PGAP4: variants seen among roughly 807,000 people sequenced by gnomAD.
The protein encoded by PGAP4 is GPI-N-acetylgalactosamine transferase PGAP4.
PGAP4 carries 12 observed loss-of-function variants against 28.2 expected under a neutral mutation model. That is an observed-to-expected ratio of 0.42 (90% confidence interval 0.27 to 0.69). The LOEUF is 0.69. PGAP4 is among the 30% of genes least tolerant of loss of function. The probability of loss-of-function intolerance (pLI) is 0.22; values close to 1 mark genes in which losing one functional copy is unlikely to be tolerated. For synonymous variants in PGAP4, 205 were observed against 211.8 expected, an observed-to-expected ratio of 0.97 and a Z score of 0.28; for missense variants, 425 against 513.5, an observed-to-expected ratio of 0.83 and a Z score of 1.67.
chr9:101,531,992 A>G (rs955818390), intron 1 of PGAP4, among the ~76,000 whole-genome samples: 2 of 152,272 alleles, frequency 1.3e-5, no homozygotes, highest in Non-Finnish European at 2.9e-5. Flanking sequence ...GCTCATTGCC[A>G]GTAGCTGTGG....
At chr9:101,518,423 C>T (rs975151530) in intron 2 of PGAP4, among the ~76,000 whole-genome samples, 4 of 152,098 alleles carry the variant, frequency 2.6e-5, no homozygotes, top group East Asian at 1.9e-4. Flanking sequence ...TTTTATCCCT[C>T]GCCCTCCTTC....
chr9:101,525,172 C>A (rs1345419145), intron 2 of PGAP4, among the ~76,000 whole-genome samples: 16 of 152,172 alleles, frequency 1.1e-4, no homozygotes, highest in Admixed American at 1.0e-3. Context: ...TTTTTAAGTT[C>A]TTTGAGAAAT....
Position 101,516,991 on chromosome 9 carries a change from T to C in PGAP4, c.-165+14357A>G, listed in dbSNP as rs534954956. On this transcript the variant is annotated intron_variant, in intron 2 of 3. Coordinates refer to the PGAP4 transcript ENST00000374851. ...GATCTATCTCTTATTTACATGCTGA[T>C]TGAAGACTGAAGGGCAAAATTTTTA... Among the ~76,000 whole-genome samples, 16 of 152,308 alleles carry C rather than the reference T, an allele frequency of 1.1e-4. No individual in the cohort carries two copies. The East Asian group carries it at 3.1e-3, about 29-fold the overall frequency.
At chr9:101,491,821 A>ATAT (rs1344920264), upstream of PGAP4, among the ~76,000 whole-genome samples, 4 of 84,746 alleles carry the variant, frequency 4.7e-5, no homozygotes, top group Non-Finnish European at 5.5e-5. Flanking sequence ...GGATATATAT[A>ATAT]TATATATATA....
intron 2 of PGAP4, among the ~76,000 whole-genome samples, chr9:101,505,062 T>A (rs1826838413): frequency 6.6e-6 from 1 of 152,108 alleles, no homozygotes. Context: ...ATTTCCTCCT[T>A]AAGCTTTTAT....
In PGAP4 at chr9:101,486,862, C is replaced by G. The variant is rs1166179456; in HGVS notation, c.-78+87G>C. On this transcript the variant is annotated intron_variant, in intron 1 of 1. Transcript: ENST00000374848. The surrounding 1 kb of genome is among the most constrained non-coding windows in gnomAD (Gnocchi z 4.7). Reference sequence around the variant, plus strand: ...CCTGCTTGTGCCAGCTGTGGCCACCCCTAATCCTTGTCCCCTCGCTCTAGT... The same window carrying G: ...CCTGCTTGTGCCAGCTGTGGCCACCGCTAATCCTTGTCCCCTCGCTCTAGT... The G allele has an allele frequency of 1.3e-5, 2 of 152,926 alleles. No individual in the cohort carries two copies. The highest frequency in any genetic ancestry group is 2.4e-5 in the African/African-American group (1 of 41,482). The allele number at this position is 152,926 out of a possible 1,614,324, so 9.5% of individuals were successfully genotyped here. A position where few individuals can be genotyped will look rare whatever the true frequency, so the allele number is the denominator to read the frequency against.
rs1826609536 is a variant in PGAP4 at position 101,486,159 on chromosome 9, G to C, written c.-78+790C>G. Among the ~76,000 whole-genome samples, 1 of 152,180 alleles carries C rather than the reference G, an allele frequency of 6.6e-6. No individual in the cohort carries two copies. Among genetic ancestry groups the C allele is most frequent in the Non-Finnish European group, 1.5e-5 (1 of 68,034 alleles). Reference sequence around the variant, plus strand: ...ACGCCGGAGCCAAGGGCCAGAAAGAGGGCGAGACACACCCAGGTGGATCTA... The same window carrying C: ...ACGCCGGAGCCAAGGGCCAGAAAGACGGCGAGACACACCCAGGTGGATCTA... On this transcript the variant is annotated intron_variant, in intron 1 of 1. Coordinates refer to ENST00000374848, the MANE Select transcript of PGAP4 (RefSeq NM_032342.3). This position sits in a 1 kb window ranked among gnomAD's most constrained non-coding sequence, Gnocchi z 4.7.
chr9:101,479,168 T>C (rs1451664000), intron 1 of PGAP4, among the ~76,000 whole-genome samples: 1 of 152,232 alleles, frequency 6.6e-6, no homozygotes, highest in African/African-American at 2.4e-5. Context: ...TGCTTCTTCC[T>C]CTGCTCTGCT....
rs374101500 is a variant in PGAP4, at chr9:101,506,206, C to T, written c.-164-17006G>A. On this transcript the variant is annotated intron_variant, in intron 2 of 3. Transcript: ENST00000374851. ...GCCCCTGTGGAAAACTATAGTAAGCCGCTACCAGTTATGCATTTAAATAGT... is the reference window on the plus strand; with the variant it reads ...GCCCCTGTGGAAAACTATAGTAAGCTGCTACCAGTTATGCATTTAAATAGT... 1.0e-3 allele frequency among the ~76,000 whole-genome samples: 158 copies of T among 152,086 alleles called. 1 individual carries two copies. In the Middle Eastern group the frequency reaches 0.031, roughly 29 times the overall value.
At chr9:101,531,175 C>A (rs546043586) in intron 2 of PGAP4, 1 of 150,494 alleles carries the variant, frequency 6.6e-6, no homozygotes, top group South Asian at 2.1e-4. Flanking sequence ...GTCCCTCTCT[C>A]TCTTTCTCAA....
intron 2 of PGAP4, among the ~76,000 whole-genome samples, chr9:101,514,988 G>A (rs1216395715): frequency 1.3e-5 from 2 of 152,136 alleles, no homozygotes; most frequent in Non-Finnish European, 2.9e-5. Context: ...ACATATATGT[G>A]ATGCTATTTT....
chr9:101,511,802 A>G (rs537636936), intron 2 of PGAP4, among the ~76,000 whole-genome samples: 1 of 152,268 alleles, frequency 6.6e-6, no homozygotes, highest in African/African-American at 2.4e-5. Flanking sequence ...TTAGATTTCA[A>G]TTAACTCCTA....
Position 101,477,085 on chromosome 9 carries a change from G to T in PGAP4, c.8C>A (p.Thr3Asn). The T allele has an allele frequency of 2.5e-6, 4 of 1,577,630 alleles. No individual in the cohort carries two copies. Among genetic ancestry groups the T allele is most frequent in the African/African-American group, 1.4e-5 (1 of 73,826 alleles). ...GAGCATGGCAGCTGGAGAGGTTGAA[G>T]TGCTCATGAGGTCAACTTTTGTTCA... is the stretch of plus-strand genomic sequence containing the variant. MS[T>N]STSPAAMLLR... Residue 3 changes from threonine to asparagine, a missense_variant, in exon 2 of 2, where the codon ACT (threonine) becomes AAT (asparagine). Transcript: ENST00000374848.
chr9:101,493,147 G>A (rs533866504), intron 2 of PGAP4, among the ~76,000 whole-genome samples: 18 of 151,860 alleles, frequency 1.2e-4, no homozygotes, highest in African/African-American at 2.2e-4. Context: ...CCAGCTACTC[G>A]GGAGGCTGAG....
At chr9:101,491,290 G>A (rs553312191), upstream of PGAP4, among the ~76,000 whole-genome samples, 33 of 152,162 alleles carry the variant, frequency 2.2e-4, 1 homozygote, top group South Asian at 3.1e-3. Flanking sequence ...ATTCCCCCCC[G>A]ATAATAGATG....
rs1382929703 is a variant in PGAP4 at position 101,486,628 on chromosome 9, G to A, written c.-78+321C>T. Among the ~76,000 whole-genome samples, 1 of 149,672 alleles carries A rather than the reference G, an allele frequency of 6.7e-6. No individual in the cohort carries two copies. Among genetic ancestry groups the A allele is most frequent in the Non-Finnish European group, 1.5e-5 (1 of 67,172 alleles). ...TGACCTGTCAGCGCAGCTGGCGCAGGCAAGGGCCAGGGAGGCGCCCCCGAG... is the reference window on the plus strand; with the variant it reads ...TGACCTGTCAGCGCAGCTGGCGCAGACAAGGGCCAGGGAGGCGCCCCCGAG... On this transcript the variant is annotated intron_variant, in intron 1 of 1. Transcript: ENST00000374848. This position sits in a 1 kb window ranked among gnomAD's most constrained non-coding sequence, Gnocchi z 4.7.
rs1210224324 is a variant in PGAP4, at chr9:101,474,059, T to C, written c.*1822A>G. The C allele has an allele frequency of 6.6e-6, 1 of 152,230 alleles. No individual in the cohort carries two copies. The highest frequency in any genetic ancestry group is 1.5e-5 in the Non-Finnish European group (1 of 68,044). 9.4% of individuals were successfully genotyped at this position (152,230 alleles called of 1,614,324 possible). On this transcript the variant is annotated 3_prime_UTR_variant, in exon 2 of 2. Transcript: ENST00000374848. The stretch of plus-strand genomic sequence containing the variant: ...TACAGAGACATGATCTAGTTCAGCT[T>C]ATACTCAGATTTTACAAAAGAGACT...
chr9:101,507,268 A>G (rs1826855732), intron 2 of PGAP4, among the ~76,000 whole-genome samples: 1 of 152,006 alleles, frequency 6.6e-6, no homozygotes, highest in Non-Finnish European at 1.5e-5. Context: ...GACTCTATCT[A>G]TCTGTTACAA....
At chr9:101,481,168 A>C (rs1164320402) in intron 1 of PGAP4, among the ~76,000 whole-genome samples, 1 of 152,106 alleles carries the variant, frequency 6.6e-6, no homozygotes. Flanking sequence ...ACAGAGAAAA[A>C]CCCTGTCTCA....
Sources: gnomAD v4.1 joint callset for allele counts (sites outside exome capture counted in the v4.1 genomes callset) on GRCh38, gnomAD v4.1.1 for gene constraint, Gnocchi (gnomAD v3.1) non-coding constraint, MANE v1.5 for transcripts, NCBI Gene and HGNC (gene_info 2026-07-23, HGNC 2026-07-21) for gene names.